The following LRP1B variants were observed in gnomAD, a reference collection of about 807,000 sequenced individuals.
LRP1B encodes low-density lipoprotein receptor-related protein 1B.
A neutral mutation model predicts 556.6 loss-of-function variants in LRP1B; 217 were observed. The observed-to-expected ratio is 0.39, with a 90% CI of 0.35 to 0.44. The LOEUF (loss-of-function observed/expected upper bound fraction) is 0.44, where lower values mean the gene tolerates loss of function less well. Ranked by LOEUF, LRP1B falls within the 20% of genes least tolerant of loss-of-function variation. The probability of loss-of-function intolerance (pLI) is 1.00; values close to 1 mark genes in which losing one functional copy is unlikely to be tolerated. For missense variants in LRP1B, 5,053 were observed against 5,620.8 expected (o/e 0.90, Z 3.23); for synonymous variants, 2,047 against 1,865.8 (o/e 1.10, Z -2.50).
At chr2:141,653,015 A>T (rs546519480) in intron 2 of LRP1B, among the ~76,000 whole-genome samples, 25 of 152,270 alleles carry the variant, frequency 1.6e-4, no homozygotes, top group Middle Eastern at 3.4e-3. Flanking sequence ...TAATTTTCAT[A>T]ATACTTTATA....
At chr2:140,748,204 T>C (rs1381981335) in intron 35 of LRP1B, among the ~76,000 whole-genome samples, 1 of 114,274 alleles carries the variant, frequency 8.8e-6, no homozygotes, top group African/African-American at 3.3e-5. Context: ...TTCATATATA[T>C]TATATTCTTA....
chr2:141,468,128 A>G (rs571837913), intron 3 of LRP1B, among the ~76,000 whole-genome samples: 4 of 152,296 alleles, frequency 2.6e-5, no homozygotes, highest in African/African-American at 7.2e-5. Flanking sequence ...TGTAAGTTAT[A>G]TTGTGTTAGG....
At chr2:142,063,645 ATC>A (rs1299921326) in intron 1 of LRP1B, among the ~76,000 whole-genome samples, 1 of 151,644 alleles carries the variant, frequency 6.6e-6, no homozygotes, top group Non-Finnish European at 1.5e-5. Context: ...GCTACTTTTA[ATC>A]TCTTTTAAAC....
intron 1 of LRP1B, among the ~76,000 whole-genome samples, chr2:142,042,683 T>C (rs942543829): frequency 6.6e-6 from 1 of 151,542 alleles, no homozygotes; most frequent in Non-Finnish European, 1.5e-5. Flanking sequence ...TGTAAAAACA[T>C]ATTGCCTGGT....
At chr2:141,010,254 T>G (rs978116712) in intron 14 of LRP1B, among the ~76,000 whole-genome samples, 1 of 152,042 alleles carries the variant, frequency 6.6e-6, no homozygotes, top group Non-Finnish European at 1.5e-5. Context: ...GGAAAGTCTG[T>G]TATTTTACAC....
At chr2:140,293,756 CTTA>C (rs772726223) in intron 84 of LRP1B, among the ~76,000 whole-genome samples, 3 of 152,108 alleles carry the variant, frequency 2.0e-5, no homozygotes, top group Admixed American at 6.6e-5. Context: ...TGTCCACAGA[CTTA>C]TTATGCTGCC....
At chr2:140,899,362 G>A (rs17518762) in intron 23 of LRP1B, among the ~76,000 whole-genome samples, 7,520 of 152,194 alleles carry the variant, frequency 0.049, 221 homozygotes, top group East Asian at 0.1. Context: ...AATGAGCAAG[G>A]TTGGTCTTCA....
At chr2:141,678,311 A>T (rs550500091) in intron 2 of LRP1B, among the ~76,000 whole-genome samples, 1 of 152,274 alleles carries the variant, frequency 6.6e-6, no homozygotes, top group Non-Finnish European at 1.5e-5. Flanking sequence ...CCAACTAAAG[A>T]GTCTGTCAAA....
At chr2:140,516,263 A>T (rs1689892796) in intron 50 of LRP1B, among the ~76,000 whole-genome samples, 1 of 152,136 alleles carries the variant, frequency 6.6e-6, no homozygotes, top group African/African-American at 2.4e-5. Flanking sequence ...TTGAAAAAAT[A>T]AGATTAAATA....
rs534912390 is a variant in LRP1B, at chr2:140,420,724, T to A, written c.10414+21780A>T. On this transcript the variant is annotated intron_variant, in intron 66 of 90. Transcript: ENST00000389484. ...CCAGCAACAGGGAGAAATCTCAAAATAATTGAGTGAAATAAGCCAGAGAAA... is the reference window on the plus strand; with the variant it reads ...CCAGCAACAGGGAGAAATCTCAAAAAAATTGAGTGAAATAAGCCAGAGAAA... Among the ~76,000 whole-genome samples, 21 of 152,286 alleles carry A rather than the reference T, an allele frequency of 1.4e-4. No individual in the cohort carries two copies. The East Asian group carries it at 2.3e-3, about 17-fold the overall frequency.
chr2:140,259,883 A>G (rs754225259), intron 86 of LRP1B, among the ~76,000 whole-genome samples: 8 of 151,992 alleles, frequency 5.3e-5, no homozygotes, highest in African/African-American at 1.9e-4. Context: ...ATGGAATATC[A>G]TAGAGTAATG....
At chr2:141,507,750 C>T (rs996290838) in intron 2 of LRP1B, among the ~76,000 whole-genome samples, 1 of 151,628 alleles carries the variant, frequency 6.6e-6, no homozygotes, top group African/African-American at 2.4e-5. Context: ...CATTCAGTGC[C>T]CTTAGGAAAA....
rs188886733 is a variant in LRP1B at position 141,988,388 on chromosome 2, G to A, written c.82+142260C>T. On this transcript the variant is annotated intron_variant, in intron 1 of 90. Transcript: ENST00000389484. The stretch of plus-strand genomic sequence containing the variant: ...TGGCAACTTATATTTAGCAGAGACT[G>A]TTGGCTCATAAAATGTTAAAATATA... 2.4e-4 allele frequency among the ~76,000 whole-genome samples: 36 copies of A among 151,912 alleles called. 1 individual carries two copies. Among genetic ancestry groups the A allele is most frequent in the African/African-American group, 7.9e-4 (33 of 41,510 alleles).
intron 43 of LRP1B, among the ~76,000 whole-genome samples, chr2:140,559,681 CAAAT>C (rs989307806): frequency 9.1e-5 from 13 of 143,640 alleles, no homozygotes; most frequent in African/African-American, 2.9e-4. Context: ...ATTGGAGAAA[CAAAT>C]AAAAATAGTT....
intron 2 of LRP1B, among the ~76,000 whole-genome samples, chr2:141,711,826 GAC>G (rs1692370989): frequency 6.6e-6 from 1 of 151,978 alleles, no homozygotes. Context: ...TCCATCCACA[GAC>G]ACATACAGCT....
At chr2:141,107,565 G>C (rs189805277) in intron 7 of LRP1B, among the ~76,000 whole-genome samples, 1 of 152,110 alleles carries the variant, frequency 6.6e-6, no homozygotes, top group Non-Finnish European at 1.5e-5. Flanking sequence ...AGAATTGCTT[G>C]AACCCAGAAG....
rs1169250775 is a variant in LRP1B, at chr2:140,541,038, G to T, written c.7448C>A (p.Pro2483His). 1 of 1,611,512 alleles carries T rather than the reference G, an allele frequency of 6.2e-7. No homozygotes were observed. The highest frequency in any genetic ancestry group is 1.7e-5 in the Admixed American group (1 of 59,824). ...GGCHDLCLLT[P>H]NGRVNCSCRG... is the part of the protein sequence containing the mutation. ...GCAGGAACAATTCACTCTCCCATTG[G>T]GAGTTAAAAGGCACAAGTCATGGCA... Residue 2483 changes from proline (P) to histidine (H), a missense_variant, in exon 45 of 91, where the codon CCC becomes CAC. Around this residue, in one of 5 missense-constraint regions of LRP1B, gnomAD observed 3,619 missense variants for 3,931.9 expected, o/e 0.92. Transcript: ENST00000389484.
intron 31 of LRP1B, among the ~76,000 whole-genome samples, chr2:140,814,374 A>C (rs554670117): frequency 8.5e-5 from 13 of 152,172 alleles, no homozygotes; most frequent in Non-Finnish European, 1.5e-4. Flanking sequence ...GCCACCAAGA[A>C]ATGACAGCTC....
chr2:140,578,977 C>T (rs1480507691), intron 43 of LRP1B, among the ~76,000 whole-genome samples: 2 of 151,584 alleles, frequency 1.3e-5, no homozygotes, highest in African/African-American at 4.9e-5. Context: ...CAGAAGTAAA[C>T]AGAAGGAGGA....
Sources: gnomAD v4.1 joint callset for allele counts (sites outside exome capture counted in the v4.1 genomes callset) on GRCh38, gnomAD v4.1.1 for gene constraint, gnomAD v4.1.1 regional missense constraint, MANE v1.5 for transcripts, NCBI Gene and HGNC (gene_info 2026-07-23, HGNC 2026-07-21) for gene names.